ZNF18: variants seen among roughly 807,000 people sequenced by gnomAD.
ZNF18 encodes the protein heart development-specific gene 1 protein.
Under a neutral mutation model 58.1 loss-of-function variants are expected in ZNF18, and 42 were observed. The ratio of observed to expected loss-of-function variants is 0.72; its 90% CI spans 0.56 to 0.93. The LOEUF is 0.93. Ranked by LOEUF, ZNF18 falls within the 40% of genes least tolerant of loss-of-function variation. ZNF18 has a pLI of 0.00. For synonymous variants in ZNF18, 231 were observed against 239.8 expected (o/e 0.96, Z 0.34); for missense variants, 540 against 644.2 (o/e 0.84, Z 1.75).
intron 4 of ZNF18, among the ~76,000 whole-genome samples, chr17:11,986,451 C>T (rs1338051307): frequency 1.3e-5 from 2 of 152,166 alleles, no homozygotes; most frequent in Non-Finnish European, 2.9e-5. Context: ...AACACACAAA[C>T]GAAAGAGGGT....
intron 6 of ZNF18, among the ~76,000 whole-genome samples, chr17:11,982,657 A>T (rs952873842): frequency 2.1e-4 from 29 of 136,716 alleles, no homozygotes; most frequent in Admixed American, 3.0e-4. Context: ...TATATATAAA[A>T]GTGTGTGTGT....
the ZNF18 span, among the ~76,000 whole-genome samples, chr17:12,016,297 CTTGT>C: frequency 4.6e-5 from 7 of 151,900 alleles, no homozygotes; most frequent in Non-Finnish European, 7.4e-5. Flanking sequence ...CTGTATTTTA[CTTGT>C]TTATTTCTTT....
chr17:12,019,731 A>G, the ZNF18 span, among the ~76,000 whole-genome samples: 1 of 152,244 alleles, frequency 6.6e-6, no homozygotes, highest in Non-Finnish European at 1.5e-5. Flanking sequence ...ATTTTGACCC[A>G]GGACACATTT....
At chr17:12,018,719 A>G in the ZNF18 span, among the ~76,000 whole-genome samples, 1 of 152,198 alleles carries the variant, frequency 6.6e-6, no homozygotes, top group Non-Finnish European at 1.5e-5. Context: ...GGAACAAATC[A>G]AAGTGCTTTC....
chr17:12,016,084 C>T, the ZNF18 span, among the ~76,000 whole-genome samples: 1 of 152,332 alleles, frequency 6.6e-6, no homozygotes, highest in East Asian at 1.9e-4. Flanking sequence ...AACCACCACA[C>T]TCAGCCTGAT....
At chr17:12,004,525 T>C in the ZNF18 span, among the ~76,000 whole-genome samples, 2 of 152,292 alleles carry the variant, frequency 1.3e-5, no homozygotes, top group South Asian at 2.1e-4. Context: ...AAGGTAATGA[T>C]AATGCCAATG....
chr17:12,020,869 G>C, the ZNF18 span: 17 of 1,089,288 alleles, frequency 1.6e-5, no homozygotes, highest in South Asian at 1.4e-4. Context: ...GGCGCCGCTC[G>C]GCTCTTCACT....
chr17:11,986,416 T>G (rs914996301), intron 4 of ZNF18, among the ~76,000 whole-genome samples: 3 of 152,114 alleles, frequency 2.0e-5, no homozygotes, highest in African/African-American at 7.2e-5. Context: ...TACCAAAAAC[T>G]GTTCAATTAG....
intron 4 of ZNF18, among the ~76,000 whole-genome samples, chr17:11,985,553 CTA>C (rs1967681251): frequency 6.6e-6 from 1 of 152,098 alleles, no homozygotes; most frequent in African/African-American, 2.4e-5. Context: ...CATTTATTAA[CTA>C]TTTATGTGTA....
chr17:11,990,872 G>C (rs1194035981), intron 3 of ZNF18, 102 bp downstream of exon 3: 1 of 1,317,952 alleles, frequency 7.6e-7, no homozygotes, highest in Admixed American at 2.1e-5. Context: ...AAACCTCTCA[G>C]GGATACGCCA....
chr17:11,989,448 G>A (rs1014918234), intron 4 of ZNF18, among the ~76,000 whole-genome samples: 1 of 152,150 alleles, frequency 6.6e-6, no homozygotes, highest in African/African-American at 2.4e-5. Flanking sequence ...CAGTAGATAA[G>A]GATATTAATA....
At position 11,994,591 on chromosome 17, in the gene ZNF18, C is replaced by T. The variant is rs570234699; in HGVS notation, c.-82-1680G>A. ...GCCAGGTGGCTCACGCCTGTAATCC[C>T]AGCACTTTGGGAGGCTGAGGTGGCT... is the stretch of plus-strand genomic sequence containing the variant. On this transcript the variant is annotated intron_variant, in intron 1 of 6. Transcript: ENST00000580306. Among the ~76,000 whole-genome samples the T allele has an allele frequency of 4.4e-4, 66 of 151,722 alleles. 1 individual carries two copies. The highest frequency in any genetic ancestry group is 1.6e-3 in the African/African-American group (65 of 41,396).
chr17:12,020,846 T>C, the ZNF18 span: 1 of 959,518 alleles, frequency 1.0e-6, no homozygotes, highest in Non-Finnish European at 1.3e-6. Context: ...GCTTGCTGCA[T>C]TGCAGCCGCC....
intron 3 of ZNF18, 77 bp downstream of exon 3, chr17:11,990,897 C>T: frequency 6.8e-7 from 1 of 1,467,896 alleles, no homozygotes; most frequent in Non-Finnish European, 9.3e-7. Context: ...GAGCAGCATA[C>T]CATTTCAACT....
the ZNF18 span, chr17:12,020,847 T>G: frequency 5.7e-5 from 55 of 973,434 alleles, no homozygotes; most frequent in Non-Finnish European, 7.1e-5. Context: ...CTTGCTGCAT[T>G]GCAGCCGCCG....
At chr17:11,984,977 T>A (rs1567602002) in intron 4 of ZNF18, among the ~76,000 whole-genome samples, 1 of 152,144 alleles carries the variant, frequency 6.6e-6, no homozygotes, top group East Asian at 1.9e-4. Flanking sequence ...TGCGAATCAG[T>A]AAGATGTAGT....
rs781667501 is a variant in ZNF18 at position 11,991,152 on chromosome 17, C to G, written c.399G>C (p.Gln133His). Reference sequence around the variant, plus strand: ...CTGATAAGATGTCCTGTCCTAGAACCTGGATACTGATCTAGAGACCATATA... The same window carrying G: ...CTGATAAGATGTCCTGTCCTAGAACGTGGATACTGATCTAGAGACCATATA... ...PQRLWQWISI[Q>H]VLGQDILSEK... Residue 133 changes from glutamine to histidine, a missense_variant, in exon 3 of 7, where the codon CAG becomes CAC. Gln to His is a conservative substitution (Grantham distance 24). Transcript: ENST00000580306. 1.2e-6 allele frequency: 2 copies of G among 1,613,786 alleles called. No homozygotes were observed. The highest frequency in any genetic ancestry group is 1.7e-6 in the Non-Finnish European group (2 of 1,179,832).
In ZNF18 at chr17:11,984,102, C is replaced by T. The variant is rs1967559631; in HGVS notation, c.751+11G>A. 1 of 1,609,726 alleles carries T rather than the reference C, an allele frequency of 6.2e-7. No individual in the cohort carries two copies. The highest frequency in any genetic ancestry group is 8.5e-7 in the Non-Finnish European group (1 of 1,178,296). On this transcript the variant is annotated intron_variant, in intron 5 of 6. Coordinates refer to ENST00000580306, the MANE Select transcript of ZNF18 (RefSeq NM_001303281.2). The stretch of plus-strand genomic sequence containing the variant: ...TCTACCTCCTTCCATCAGACTAACC[C>T]ACACCCTCACCTCCTGAGACCATTT...
the ZNF18 span, among the ~76,000 whole-genome samples, chr17:12,014,847 G>A: frequency 1.3e-5 from 2 of 152,092 alleles, no homozygotes; most frequent in African/African-American, 4.8e-5. Context: ...TCAGGAGATC[G>A]AGACCATCCT....
Sources: allele counts gnomAD v4.1 joint callset (sites outside exome capture counted in the v4.1 genomes callset), GRCh38; gene constraint gnomAD v4.1.1; transcripts MANE v1.5; gene names NCBI Gene and HGNC (gene_info 2026-07-23, HGNC 2026-07-21).